The following PELI2 variants were observed in gnomAD, a reference collection of about 807,000 sequenced individuals.
The protein encoded by PELI2 is E3 ubiquitin-protein ligase pellino homolog 2.
PELI2 carries 23 observed loss-of-function variants against 42.3 expected under a neutral mutation model. That is an observed-to-expected ratio of 0.54 (90% CI 0.39 to 0.77). PELI2 has a LOEUF of 0.77. Among genes scored for constraint, PELI2 ranks in the 30% least tolerant of loss-of-function variants. The pLI, the probability that PELI2 is intolerant of heterozygous loss-of-function variation, is 0.00. For synonymous variants in PELI2, 245 were observed against 212.2 expected (o/e 1.15, Z -1.34); for missense variants, 463 against 553.2 (o/e 0.84, Z 1.64).
intron 2 of PELI2, among the ~76,000 whole-genome samples, chr14:56,181,258 A>T (rs547996509): frequency 2.7e-4 from 38 of 141,164 alleles, no homozygotes; most frequent in Non-Finnish European, 4.3e-4. Context: ...TCTTAATTCC[A>T]CTCCAGATTC....
chr14:56,121,686 C>A (rs1330860607), intron 1 of PELI2, among the ~76,000 whole-genome samples: 1 of 152,160 alleles, frequency 6.6e-6, no homozygotes, highest in East Asian at 1.9e-4. Context: ...CCTGAATAAG[C>A]CCTTCTCTCT....
chr14:56,123,760 CCAAA>C (rs1360292063), intron 1 of PELI2, among the ~76,000 whole-genome samples: 1 of 152,092 alleles, frequency 6.6e-6, no homozygotes, highest in Non-Finnish European at 1.5e-5. Context: ...AGTAATTTTA[CCAAA>C]CATTTTATCG....
At chr14:56,244,813 T>C (rs1888094815) in intron 2 of PELI2, among the ~76,000 whole-genome samples, 1 of 152,240 alleles carries the variant, frequency 6.6e-6, no homozygotes. Context: ...GTAAAGACCA[T>C]GTCTGTGATA....
At chr14:56,256,650 GA>G in intron 2 of PELI2, among the ~76,000 whole-genome samples, 1 of 152,230 alleles carries the variant, frequency 6.6e-6, no homozygotes, top group East Asian at 1.9e-4. Context: ...GACGTAATTA[GA>G]AAATGCAAAA....
At chr14:56,193,062 T>C (rs932588555) in intron 2 of PELI2, among the ~76,000 whole-genome samples, 1 of 152,254 alleles carries the variant, frequency 6.6e-6, no homozygotes, top group South Asian at 2.1e-4. Context: ...TCTGTGCTGC[T>C]TAGCAGAAAC....
At chr14:56,122,147 G>C (rs1883083185) in intron 1 of PELI2, among the ~76,000 whole-genome samples, 1 of 152,144 alleles carries the variant, frequency 6.6e-6, no homozygotes, top group African/African-American at 2.4e-5. Context: ...AGCATTAGGG[G>C]AAATTCCTAA....
chr14:56,296,153 G>C (rs557101577), intron 5 of PELI2, among the ~76,000 whole-genome samples: 2 of 152,334 alleles, frequency 1.3e-5, no homozygotes, highest in African/African-American at 4.8e-5. Context: ...GGACCCTCCA[G>C]TAATGACTGC....
At chr14:56,187,078 G>T (rs1199590372) in intron 2 of PELI2, among the ~76,000 whole-genome samples, 3 of 152,180 alleles carry the variant, frequency 2.0e-5, no homozygotes, top group South Asian at 2.1e-4. Flanking sequence ...GTTCAAGGAA[G>T]CTCAGTATGT....
chr14:56,196,165 G>T (rs1288051717), intron 2 of PELI2, among the ~76,000 whole-genome samples: 1 of 152,166 alleles, frequency 6.6e-6, no homozygotes, highest in Non-Finnish European at 1.5e-5. Context: ...GAATTTAAAG[G>T]CTACAGAGAA....
intron 1 of PELI2, among the ~76,000 whole-genome samples, chr14:56,150,336 G>A (rs1884298852): frequency 6.6e-6 from 1 of 152,190 alleles, no homozygotes; most frequent in Non-Finnish European, 1.5e-5. Flanking sequence ...GAATGAAGAT[G>A]TATTTTAATG....
At chr14:56,236,731 C>A (rs977277224) in intron 2 of PELI2, among the ~76,000 whole-genome samples, 1 of 152,146 alleles carries the variant, frequency 6.6e-6, no homozygotes, top group African/African-American at 2.4e-5. Flanking sequence ...CACCACCCTC[C>A]CCTTCCCTGG....
Position 56,192,260 on chromosome 14 carries a change from C to T in PELI2, c.207+13796C>T, listed in dbSNP as rs115036157. On this transcript the variant is annotated intron_variant, in intron 2 of 5. Transcript: ENST00000267460. Reference sequence around the variant, plus strand: ...ATTTCTTGCATTTTGTCTTTTGTTACACTGATACCTTTCTAGTGTACATTC... The same window carrying T: ...ATTTCTTGCATTTTGTCTTTTGTTATACTGATACCTTTCTAGTGTACATTC... Among the ~76,000 whole-genome samples, 900 of 152,300 alleles carry T rather than the reference C, an allele frequency of 5.9e-3. 8 individuals carry two copies. The highest frequency in any genetic ancestry group is 0.021 in the African/African-American group (870 of 41,564).
chr14:56,209,360 T>G (rs1886632591), intron 2 of PELI2, among the ~76,000 whole-genome samples: 1 of 152,158 alleles, frequency 6.6e-6, no homozygotes, highest in Admixed American at 6.5e-5. Flanking sequence ...CAATTATATA[T>G]GTACGTAAAG....
chr14:56,259,190 T>C (rs991480702), intron 2 of PELI2, among the ~76,000 whole-genome samples: 3 of 151,994 alleles, frequency 2.0e-5, no homozygotes, highest in Non-Finnish European at 4.4e-5. Flanking sequence ...AAAACAGTTA[T>C]CACCAGCACA....
chr14:56,236,826 G>A (rs1887812024), intron 2 of PELI2, among the ~76,000 whole-genome samples: 1 of 152,164 alleles, frequency 6.6e-6, no homozygotes, highest in African/African-American at 2.4e-5. Flanking sequence ...GTGCTGGCTT[G>A]TGATTATGAA....
At chr14:56,131,758 C>T (rs994723343) in intron 1 of PELI2, among the ~76,000 whole-genome samples, 7 of 152,154 alleles carry the variant, frequency 4.6e-5, no homozygotes, top group African/African-American at 1.7e-4. Flanking sequence ...CACTCCTTAC[C>T]GCCTTTAGTC....
intron 2 of PELI2, among the ~76,000 whole-genome samples, chr14:56,278,588 C>T (rs902127421): frequency 2.0e-5 from 3 of 152,118 alleles, no homozygotes; most frequent in African/African-American, 7.2e-5. Context: ...TCATGAAATT[C>T]CTCAGGGCAG....
chr14:56,119,698 G>A, intron 1 of PELI2: 1 of 888,476 alleles, frequency 1.1e-6, no homozygotes, highest in Non-Finnish European at 1.3e-6. Context: ...GGCAGTGAAA[G>A]GGGAGGGGGA....
At chr14:56,233,608 G>C (rs1343767594) in intron 2 of PELI2, among the ~76,000 whole-genome samples, 1 of 152,166 alleles carries the variant, frequency 6.6e-6, no homozygotes, top group Non-Finnish European at 1.5e-5. Context: ...ATTAACTCAA[G>C]ATGGATTAAA....
Sources: allele counts gnomAD v4.1 joint callset (sites outside exome capture counted in the v4.1 genomes callset), GRCh38; gene constraint gnomAD v4.1.1; transcripts MANE v1.5; gene names NCBI Gene and HGNC (gene_info 2026-07-23, HGNC 2026-07-21).